Variants in HMOX2 observed in about 807,000 individuals in gnomAD.
HMOX2 encodes heme oxygenase (decycling) 2.
A neutral mutation model predicts 33.7 loss-of-function variants in HMOX2; 30 were observed. The ratio of observed to expected loss-of-function variants is 0.89; its 90% CI spans 0.67 to 1.21. The LOEUF (loss-of-function observed/expected upper bound fraction) is 1.21. Ranked by LOEUF, HMOX2 falls within the 50% of genes most tolerant of loss-of-function variation. HMOX2 has a pLI of 0.00. For synonymous variants in HMOX2, 155 were observed against 155.0 expected (o/e 1.00, Z 0.00); for missense variants, 403 against 399.1 (o/e 1.01, Z -0.08).
chr16:4,492,562 AC>A (rs1225449934), intron 1 of HMOX2, among the ~76,000 whole-genome samples: 1 of 151,932 alleles, frequency 6.6e-6, no homozygotes, highest in African/African-American at 2.4e-5. Context: ...TACTAAAAAT[AC>A]AAAAAATTAG....
intron 4 of HMOX2, 87 bp from the exon 5 acceptor site, chr16:4,509,325 C>T (rs1204310258): frequency 6.6e-7 from 1 of 1,511,074 alleles, no homozygotes; most frequent in Non-Finnish European, 8.9e-7. Flanking sequence ...GCCTGGGCAA[C>T]AGAGACCTCA....
intron 1 of HMOX2, among the ~76,000 whole-genome samples, chr16:4,477,886 A>G (rs2057911599): frequency 6.6e-6 from 1 of 152,102 alleles, no homozygotes; most frequent in African/African-American, 2.4e-5. Context: ...GCATCACTGC[A>G]CTCCAGCCTG....
Position 4,509,838 on chromosome 16 carries a change from C to T in HMOX2, c.*82C>T. 1 of 1,456,236 alleles carries T rather than the reference C, an allele frequency of 6.9e-7. No homozygotes were observed. The highest frequency in any genetic ancestry group is 9.3e-7 in the Non-Finnish European group (1 of 1,080,660). The allele number at this position is 1,456,236 out of a possible 1,614,324, so 90.2% of individuals were successfully genotyped here. On this transcript the variant is annotated 3_prime_UTR_variant, in exon 6 of 6. Transcript: ENST00000570646. ...TTCTCCAGCCCTGACTAAACTACCA[C>T]CTCAGGTGACTTTTTAAAAAATGCT...
intron 2 of HMOX2, 50 bp downstream of exon 2, chr16:4,505,660 C>A: frequency 1.5e-6 from 2 of 1,296,518 alleles, no homozygotes; most frequent in South Asian, 1.3e-5. Context: ...CAGCACCTGT[C>A]GTGCTCAGCA....
intron 1 of HMOX2, among the ~76,000 whole-genome samples, chr16:4,483,229 G>A (rs1235942108): frequency 7.2e-6 from 1 of 139,706 alleles, no homozygotes. Context: ...GTGTGTTTAT[G>A]GAGGCTTCAT....
intron 1 of HMOX2, among the ~76,000 whole-genome samples, chr16:4,495,166 T>G (rs1314171872): frequency 6.6e-6 from 1 of 152,198 alleles, no homozygotes; most frequent in Admixed American, 6.5e-5. Context: ...AATCAGGCCC[T>G]ATATACTAAG....
At chr16:4,497,393 C>T (rs891865278) in intron 1 of HMOX2, among the ~76,000 whole-genome samples, 1 of 152,210 alleles carries the variant, frequency 6.6e-6, no homozygotes, top group African/African-American at 2.4e-5. Flanking sequence ...TTAGAATTCA[C>T]TCAGGACTTC....
At chr16:4,475,764 C>A (rs1222340089), upstream of HMOX2, among the ~76,000 whole-genome samples, 1 of 151,652 alleles carries the variant, frequency 6.6e-6, no homozygotes, top group Middle Eastern at 3.2e-3. Context: ...ATGGTGAAAC[C>A]CCCGTCTCTA....
At chr16:4,501,563 G>T (rs772852838) in intron 1 of HMOX2, among the ~76,000 whole-genome samples, 1 of 152,044 alleles carries the variant, frequency 6.6e-6, no homozygotes, top group Non-Finnish European at 1.5e-5. Flanking sequence ...AATATTTTAG[G>T]ATCTTTTTTT....
Position 4,509,471 on chromosome 16 carries a change from G to A in HMOX2, c.756G>A (p.Gly252=), listed in dbSNP as rs2058780405. 2.5e-6 allele frequency: 4 copies of A among 1,614,064 alleles called. No individual in the cohort carries two copies. The African/African-American group carries it at 4.0e-5, about 16-fold the overall frequency. ...STLARETLED[G]FPVHDGKGDM... ...TGGCCAGAGAGACCTTGGAGGATGG[G>A]TTCCCTGTACACGATGGGAAAGGAG... is the stretch of plus-strand genomic sequence containing the variant. The change falls in exon 5 of 6, where the codon GGG becomes GGA. Residue 252 remains glycine, a synonymous_variant. Transcript: ENST00000570646.
chr16:4,508,284 G>GGC (rs2058746779), intron 4 of HMOX2, 80 bp downstream of exon 4: 2 of 1,444,742 alleles, frequency 1.4e-6, no homozygotes, highest in East Asian at 4.6e-5. Flanking sequence ...GGCCCATGAA[G>GGC]GCACACATGG....
intron 1 of HMOX2, among the ~76,000 whole-genome samples, chr16:4,479,201 A>C (rs2141503503): frequency 6.6e-6 from 1 of 152,148 alleles, no homozygotes; most frequent in South Asian, 2.1e-4. Flanking sequence ...ATGCTAGCAC[A>C]TACCTGTAAT....
Position 4,509,865 on chromosome 16 carries a change from G to T in HMOX2, c.*109G>T. 7.6e-7 allele frequency: 1 copy of T among 1,321,972 alleles called. No individual in the cohort carries two copies. 81.9% of individuals were successfully genotyped at this position (1,321,972 alleles called of 1,614,324 possible). A position where few individuals can be genotyped will look rare whatever the true frequency, so the allele number is the denominator to read the frequency against. ...TCAGGTGACTTTTTAAAAAATGCTGGGTTTAAGAAAGGCAACCAATAAAAG... is the reference window on the plus strand; with the variant it reads ...TCAGGTGACTTTTTAAAAAATGCTGTGTTTAAGAAAGGCAACCAATAAAAG... On this transcript the variant is annotated 3_prime_UTR_variant, in exon 6 of 6. Coordinates refer to ENST00000570646, the MANE Select transcript of HMOX2 (RefSeq NM_002134.4).
In HMOX2 at chr16:4,479,729, T is replaced by A. The variant is rs1242452785; in HGVS notation, c.-42+3242T>A. ...CAGCCTGCCTTTTTCTTATTCTATT[T>A]TTTTTTTTTTTTTTTTTTTTTTTTT... is the stretch of plus-strand genomic sequence containing the variant. On this transcript the variant is annotated intron_variant, in intron 1 of 5. Transcript: ENST00000570646. Among the ~76,000 whole-genome samples, 10 of 11,746 alleles carry A rather than the reference T, an allele frequency of 8.5e-4. No homozygotes were observed. In the East Asian group the frequency reaches 0.017, roughly 20 times the overall value. 7.7% of individuals were successfully genotyped at this position (11,746 alleles called of 152,430 possible).
Position 4,509,978 on chromosome 16 carries a change from C to T in HMOX2, c.*222C>T, listed in dbSNP as rs904342108. On this transcript the variant is annotated 3_prime_UTR_variant, in exon 6 of 6. Transcript: ENST00000570646. Reference sequence around the variant, plus strand: ...AGGCCGTCACCCTGGGAGCAGTCGGCACAGTGCAGCAAGCCTGGCCCCCGA... The same window carrying T: ...AGGCCGTCACCCTGGGAGCAGTCGGTACAGTGCAGCAAGCCTGGCCCCCGA... 3.4e-6 allele frequency: 2 copies of T among 582,042 alleles called. No individual in the cohort carries two copies. Among genetic ancestry groups the T allele is most frequent in the Admixed American group, 3.0e-5 (1 of 32,864 alleles). 36.1% of individuals were successfully genotyped at this position (582,042 alleles called of 1,614,324 possible). A position where few individuals can be genotyped will look rare whatever the true frequency, so the allele number is the denominator to read the frequency against.
At position 4,507,912 on chromosome 16, in the gene HMOX2, T is replaced by C; in HGVS notation, c.404T>C (p.Val135Ala). 1 of 1,613,800 alleles carries C rather than the reference T, an allele frequency of 6.2e-7. No homozygotes were observed. Among genetic ancestry groups the C allele is most frequent in the Non-Finnish European group, 8.5e-7 (1 of 1,179,968 alleles). Reference sequence around the variant, plus strand: ...TGCCCCAAGGCTGCCCAGAAGTACGTGGAGCGGATCCACTACATAGGGCAG... The same window carrying C: ...TGCCCCAAGGCTGCCCAGAAGTACGCGGAGCGGATCCACTACATAGGGCAG... ...VQCPKAAQKY[V>A]ERIHYIGQNE... The change falls in exon 4 of 6, where the codon GTG becomes GCG. Residue 135 changes from valine (V) to alanine (A), a missense_variant. Physicochemically the swap from Val to Ala is moderately conservative, Grantham distance 64. Coordinates refer to ENST00000570646, the MANE Select transcript of HMOX2 (RefSeq NM_002134.4).
At chr16:4,483,321 G>C (rs1001219188) in intron 1 of HMOX2, among the ~76,000 whole-genome samples, 9 of 151,808 alleles carry the variant, frequency 5.9e-5, no homozygotes, top group East Asian at 1.9e-4. Context: ...TGAGGTTAAG[G>C]GGGTAGGGCT....
At chr16:4,500,980 GT>G (rs372754659) in intron 1 of HMOX2, among the ~76,000 whole-genome samples, 2 of 152,122 alleles carry the variant, frequency 1.3e-5, no homozygotes, top group Admixed American at 6.5e-5. Context: ...GAGGGTCCCA[GT>G]TTTTTGGAAA....
intron 1 of HMOX2, among the ~76,000 whole-genome samples, chr16:4,486,925 T>C (rs559509432): frequency 6.6e-6 from 1 of 152,342 alleles, no homozygotes; most frequent in South Asian, 2.1e-4. Context: ...AGCTCACTTA[T>C]TTCCTTTTTG....
Sources: gnomAD v4.1 joint callset for allele counts (sites outside exome capture counted in the v4.1 genomes callset) on GRCh38, gnomAD v4.1.1 for gene constraint, MANE v1.5 for transcripts, NCBI Gene and HGNC (gene_info 2026-07-23, HGNC 2026-07-21) for gene names.